The following VASH2 variants were observed in gnomAD, a reference collection of about 807,000 sequenced individuals.
VASH2 encodes vasohibin 2, also known as tubulinyl-Tyr carboxypeptidase 2.
VASH2 carries 28 observed loss-of-function variants against 37.2 expected under a neutral mutation model. The observed-to-expected ratio is 0.75, with a 90% CI of 0.56 to 1.03. VASH2 has a LOEUF of 1.03. Ranked by LOEUF, VASH2 falls within the 50% of genes least tolerant of loss-of-function variation. VASH2 has a pLI of 0.00. For missense variants in VASH2, 419 were observed against 459.1 expected, an observed-to-expected ratio of 0.91 and a Z score of 0.80; for synonymous variants, 188 against 174.7, an observed-to-expected ratio of 1.08 and a Z score of -0.60.
At chr1:212,963,959 A>C (rs1053435097) in intron 3 of VASH2, among the ~76,000 whole-genome samples, 3 of 152,186 alleles carry the variant, frequency 2.0e-5, no homozygotes, top group Non-Finnish European at 4.4e-5. Flanking sequence ...GAGAATATTT[A>C]GCCCTTCATT....
chr1:212,956,170 C>T (rs1666482826), intron 2 of VASH2, among the ~76,000 whole-genome samples: 3 of 152,228 alleles, frequency 2.0e-5, no homozygotes, highest in Admixed American at 2.0e-4. Flanking sequence ...ACACAACTGT[C>T]CATCCGTATC....
At chr1:212,981,790 C>A (rs1344780899) in intron 7 of VASH2, among the ~76,000 whole-genome samples, 1 of 152,176 alleles carries the variant, frequency 6.6e-6, no homozygotes, top group African/African-American at 2.4e-5. Flanking sequence ...CTGTGAACTT[C>A]CTCTCCTCGT....
chr1:212,982,353 T>C (rs1159827359), intron 7 of VASH2, among the ~76,000 whole-genome samples: 3 of 152,250 alleles, frequency 2.0e-5, no homozygotes, highest in Admixed American at 2.0e-4. Flanking sequence ...TTCTTTCATT[T>C]CTTTGCCTTG....
chr1:212,967,209 A>G, intron 5 of VASH2: 2 of 1,303,282 alleles, frequency 1.5e-6, no homozygotes, highest in South Asian at 2.5e-5. Flanking sequence ...AATATGGTGC[A>G]GAGAAACTGT....
intron 2 of VASH2, among the ~76,000 whole-genome samples, chr1:212,958,810 C>A (rs1433826755): frequency 5.9e-5 from 9 of 152,124 alleles, no homozygotes; most frequent in African/African-American, 2.2e-4. Flanking sequence ...ACCCCCTGGG[C>A]TCAAGCCATC....
chr1:212,950,551 TCGGCGG>T lies in VASH2; in HGVS notation c.-392_-387del, dbSNP rs1666264604. 6.5e-6 allele frequency: 1 copy of T among 152,946 alleles called. No homozygotes were observed. Among genetic ancestry groups the T allele is most frequent in the African/African-American group, 2.4e-5 (1 of 41,402 alleles). 9.5% of individuals were successfully genotyped at this position (152,946 alleles called of 1,614,324 possible). ...GTGGCCAATAGACGCATTCGGAACATCGGCGGCTGCCCGGGTGACTTGGTTATATGT... is the reference window on the plus strand; with the variant it reads ...GTGGCCAATAGACGCATTCGGAACATCTGCCCGGGTGACTTGGTTATATGT... On this transcript the variant is annotated 5_prime_UTR_variant, in exon 1 of 8. Transcript: ENST00000517399. This position sits in a 1 kb window ranked among gnomAD's most constrained non-coding sequence, Gnocchi z 5.5.
At chr1:212,968,044 C>T (rs1217351423) in intron 5 of VASH2, 4 of 256,028 alleles carry the variant, frequency 1.6e-5, no homozygotes, top group African/African-American at 6.9e-5. Flanking sequence ...TTCTGGCTTG[C>T]ATGATAATGC....
At chr1:212,987,293 C>T (rs1412349271) in intron 7 of VASH2, among the ~76,000 whole-genome samples, 8 of 147,626 alleles carry the variant, frequency 5.4e-5, no homozygotes, top group African/African-American at 7.6e-5. Context: ...GAACAAGGTT[C>T]GGCTGGGTGC....
chr1:212,966,002 T>G, intron 4 of VASH2: 1 of 603,642 alleles, frequency 1.7e-6, no homozygotes, highest in Non-Finnish European at 2.9e-6. Context: ...TGGAGGAGGC[T>G]TGTAAACTCT....
chr1:212,965,888 G>A, intron 4 of VASH2, 110 bp downstream of exon 4: 2 of 1,164,900 alleles, frequency 1.7e-6, no homozygotes, highest in East Asian at 2.6e-5. Flanking sequence ...ATCCTAGTCT[G>A]TAAGGGGTGG....
At chr1:212,986,395 G>T (rs1667479763) in intron 7 of VASH2, among the ~76,000 whole-genome samples, 1 of 152,148 alleles carries the variant, frequency 6.6e-6, no homozygotes, top group South Asian at 2.1e-4. Flanking sequence ...TATTTGTAAA[G>T]ATGACACCAC....
rs1406853658 is a variant in VASH2, at chr1:212,989,113, T to C, written c.*529T>C. 6.4e-6 allele frequency: 1 copy of C among 156,304 alleles called. No individual in the cohort carries two copies. The highest frequency in any genetic ancestry group is 1.4e-5 in the Non-Finnish European group (1 of 70,144). 9.7% of individuals were successfully genotyped at this position (156,304 alleles called of 1,614,324 possible). ...TCTATTTGTATTCTTTCCCCAGTAT[T>C]TCCCATGGGGATCTCCACAAGTTTG... is the stretch of plus-strand genomic sequence containing the variant. On this transcript the variant is annotated 3_prime_UTR_variant, in exon 8 of 8. Transcript: ENST00000517399.
intron 2 of VASH2, among the ~76,000 whole-genome samples, chr1:212,957,715 A>G (rs545220185): frequency 1.5e-4 from 23 of 151,512 alleles, no homozygotes; most frequent in Non-Finnish European, 2.6e-4. Context: ...GGTTTAAGCA[A>G]TTCTCCTGCC....
At chr1:212,953,084 G>A (rs1209054265) in intron 2 of VASH2, among the ~76,000 whole-genome samples, 3 of 152,104 alleles carry the variant, frequency 2.0e-5, no homozygotes, top group Non-Finnish European at 2.9e-5. Flanking sequence ...GTGAGGAGCC[G>A]AGAGCCCTTA....
chr1:212,958,096 G>A (rs974048434), intron 2 of VASH2, among the ~76,000 whole-genome samples: 1 of 152,188 alleles, frequency 6.6e-6, no homozygotes, highest in African/African-American at 2.4e-5. Context: ...GGCAGAGCAG[G>A]GCTTTGGACC....
At chr1:212,973,056 G>C in intron 6 of VASH2, 95 bp downstream of exon 6, 1 of 1,490,832 alleles carries the variant, frequency 6.7e-7, no homozygotes. Context: ...TTCTAGGATG[G>C]CCAAAAATTT....
chr1:212,985,198 C>CTTTTTTTTTTTTTT (rs55804989), intron 7 of VASH2, among the ~76,000 whole-genome samples: 2 of 100,832 alleles, frequency 2.0e-5, no homozygotes, highest in South Asian at 3.2e-4. Flanking sequence ...ATTTTTTTTG[C>CTTTTTTTTTTTTTT]TTTTTTTTTT....
At chr1:212,958,472 G>A (rs777436872) in intron 2 of VASH2, among the ~76,000 whole-genome samples, 23 of 152,186 alleles carry the variant, frequency 1.5e-4, no homozygotes, top group South Asian at 2.1e-4. Context: ...ACCACCTGCC[G>A]TCTGCTCCCA....
At chr1:212,982,682 G>C (rs985575480) in intron 7 of VASH2, among the ~76,000 whole-genome samples, 12 of 152,334 alleles carry the variant, frequency 7.9e-5, no homozygotes, top group African/African-American at 2.6e-4. Flanking sequence ...GCCAGCCAAG[G>C]AGATTGCAGC....
Sources: allele counts gnomAD v4.1 joint callset (sites outside exome capture counted in the v4.1 genomes callset), GRCh38; gene constraint gnomAD v4.1.1; non-coding constraint Gnocchi (gnomAD v3.1); transcripts MANE v1.5; gene names NCBI Gene and HGNC (gene_info 2026-07-23, HGNC 2026-07-21).